EIF3A: variants seen among roughly 807,000 people sequenced by gnomAD.
EIF3A encodes the protein EIF3, p180 subunit.
EIF3A carries 21 observed loss-of-function variants against 186.6 expected under a neutral mutation model. That is an observed-to-expected ratio of 0.11 (90% CI 0.08 to 0.16). The LOEUF (loss-of-function observed/expected upper bound fraction) is 0.16. Ranked by LOEUF, EIF3A falls within the 10% of genes least tolerant of loss-of-function variation. The pLI is 1.00. For missense variants in EIF3A, 1,306 were observed against 1,796.3 expected (o/e 0.73, Z 4.93); for synonymous variants, 563 against 584.3 (o/e 0.96, Z 0.52).
At chr10:119,074,616 T>C (rs1267214692) in intron 1 of EIF3A, among the ~76,000 whole-genome samples, 3 of 151,350 alleles carry the variant, frequency 2.0e-5, no homozygotes. Flanking sequence ...CTCTAAAAAA[T>C]TCTTTTTTTT....
Position 119,049,771 on chromosome 10 carries a change from C to G in EIF3A, c.2658+30G>C. The G allele has an allele frequency of 1.9e-6, 3 of 1,567,250 alleles. 1 individual carries two copies. The South Asian group carries it at 3.5e-5, about 19-fold the overall frequency. On this transcript the variant is annotated intron_variant, in intron 17 of 21. Transcript: ENST00000369144. ...CCAAAAAAAAAAAGTCACATTAAAACAAAATAAAATCAATAAACCCTATAC... is the reference window on the plus strand; with the variant it reads ...CCAAAAAAAAAAAGTCACATTAAAAGAAAATAAAATCAATAAACCCTATAC...
intron 19 of EIF3A, among the ~76,000 whole-genome samples, chr10:119,039,963 C>T (rs953837525): frequency 6.6e-6 from 1 of 152,132 alleles, no homozygotes; most frequent in African/African-American, 2.4e-5. Context: ...TTCATGGCAA[C>T]TGTATAAAAT....
At chr10:119,059,051 G>A (rs1020116017) in intron 11 of EIF3A, among the ~76,000 whole-genome samples, 161 bp downstream of exon 11, 1 of 152,172 alleles carries the variant, frequency 6.6e-6, no homozygotes, top group Non-Finnish European at 1.5e-5. Flanking sequence ...AATGATTTGT[G>A]TATTTGATCA....
In EIF3A at chr10:119,059,376, G is replaced by A. The variant is rs368536646; in HGVS notation, c.1465C>T (p.Arg489Trp). The A allele has an allele frequency of 6.3e-5, 100 of 1,598,208 alleles. No homozygotes were observed. Among genetic ancestry groups the A allele is most frequent in the Non-Finnish European group, 8.0e-5 (94 of 1,173,320 alleles). ...AAATCAGATCCAAAACTCAGGGTCC[G>A]AGAAGTGTGATCAATACGAACCTTT... ...DLQVRIDHTS[R>W]TLSFGSDLNY... Residue 489 changes from arginine (R) to tryptophan (W), a missense_variant, in exon 11 of 22, where the codon CGG becomes TGG. Around this residue, in one of 8 missense-constraint regions of EIF3A, gnomAD observed 267 missense variants for 367.8 expected, o/e 0.73. Transcript: ENST00000369144.
chr10:119,077,849 G>A (rs113780715), intron 1 of EIF3A, among the ~76,000 whole-genome samples: 4,331 of 152,154 alleles, frequency 0.028, 199 homozygotes, highest in African/African-American at 0.098. Context: ...CACCACGCCC[G>A]GCCTCCTCTG....
intron 14 of EIF3A, among the ~76,000 whole-genome samples, chr10:119,052,232 C>T (rs1848365627): frequency 1.3e-5 from 2 of 152,136 alleles, no homozygotes; most frequent in African/African-American, 2.4e-5. Context: ...CAACAATGTT[C>T]GTAGCATTTT....
At position 119,041,976 on chromosome 10, in the gene EIF3A, T is replaced by G. The variant is rs1448160494; in HGVS notation, c.3526+18A>C. 1.2e-6 allele frequency: 2 copies of G among 1,611,322 alleles called. No individual in the cohort carries two copies. The highest frequency in any genetic ancestry group is 4.5e-5 in the East Asian group (2 of 44,850). On this transcript the variant is annotated intron_variant, in intron 19 of 21. Coordinates refer to ENST00000369144, the MANE Select transcript of EIF3A (RefSeq NM_003750.4). The stretch of plus-strand genomic sequence containing the variant: ...TACAGGTGAACACTTAAGCATATTC[T>G]AGGAAATAGAATTTTACCTGGCTTG...
At chr10:119,056,429 G>A (rs1388656856) in intron 14 of EIF3A, among the ~76,000 whole-genome samples, 1 of 152,136 alleles carries the variant, frequency 6.6e-6, no homozygotes, top group African/African-American at 2.4e-5. Context: ...TTGTGGAGAT[G>A]GCTGCACAAT....
chr10:119,057,512 C>T (rs1159432097), intron 12 of EIF3A, among the ~76,000 whole-genome samples: 1 of 152,210 alleles, frequency 6.6e-6, no homozygotes, highest in Non-Finnish European at 1.5e-5. Context: ...TGGTGGCTCA[C>T]ACCTATAACC....
Position 119,042,713 on chromosome 10 carries a change from C to A in EIF3A, c.2807G>T (p.Arg936Leu), listed in dbSNP as rs774940035. 1.2e-6 allele frequency: 2 copies of A among 1,613,660 alleles called. No individual in the cohort carries two copies. Among genetic ancestry groups the A allele is most frequent in the Non-Finnish European group, 1.7e-6 (2 of 1,180,038 alleles). The change falls in exon 19 of 22, where the codon CGG becomes CTG. Residue 936 changes from arginine (R) to leucine (L), a missense_variant. Physicochemically the swap from Arg to Leu is moderately radical, Grantham distance 102. This residue lies in a region of EIF3A where 410 missense variants were observed against 473.5 expected (regional missense o/e 0.87). Transcript: ENST00000369144. The surrounding 1 kb of genome is among the most constrained non-coding windows in gnomAD (Gnocchi z 7.8). ...EDRSHRRDEE[R>L]PRRLGDDEDR... ...TTCATCATCCCCCAGACGCCGGGGCCGCTCTTCATCTCTTCTATGAGACCT... is the reference window on the plus strand; with the variant it reads ...TTCATCATCCCCCAGACGCCGGGGCAGCTCTTCATCTCTTCTATGAGACCT...
At chr10:119,063,799 A>G (rs890075676) in intron 7 of EIF3A, among the ~76,000 whole-genome samples, 3 of 152,262 alleles carry the variant, frequency 2.0e-5, no homozygotes, top group African/African-American at 7.2e-5. Context: ...AAGATACACA[A>G]ATCTGGCCGG....
At chr10:119,050,022 G>A (rs779126978) in intron 16 of EIF3A, 37 bp from the exon 17 acceptor site, 1 of 1,595,908 alleles carries the variant, frequency 6.3e-7, no homozygotes, top group South Asian at 1.1e-5. Context: ...GTGCCTCCCA[G>A]CCATATCTTC....
intron 17 of EIF3A, among the ~76,000 whole-genome samples, chr10:119,046,905 C>T (rs1213246845): frequency 6.6e-5 from 10 of 150,612 alleles, no homozygotes; most frequent in Admixed American, 1.3e-4. Flanking sequence ...TGCAGTGGGC[C>T]GAGATCTCGC....
intron 7 of EIF3A, 70 bp downstream of exon 7, chr10:119,065,329 T>C (rs1589693282): frequency 3.6e-6 from 4 of 1,114,820 alleles, no homozygotes; most frequent in Admixed American, 2.0e-5. Context: ...CAGTATTTAA[T>C]CATGAGTTAT....
Position 119,056,922 on chromosome 10 carries a change from A to T in EIF3A, c.2082+14T>A. ...AACTTGGTATGTTAAAGGTTTACCA[A>T]CCCTTTCATTTACCTTCTTTTCTTG... On this transcript the variant is annotated intron_variant, in intron 13 of 21. Coordinates refer to ENST00000369144, the MANE Select transcript of EIF3A (RefSeq NM_003750.4). 1 of 1,599,174 alleles carries T rather than the reference A, an allele frequency of 6.3e-7. No homozygotes were observed. Among genetic ancestry groups the T allele is most frequent in the Non-Finnish European group, 8.6e-7 (1 of 1,167,212 alleles).
chr10:119,048,945 G>T (rs1848318412), intron 17 of EIF3A, among the ~76,000 whole-genome samples: 1 of 152,134 alleles, frequency 6.6e-6, no homozygotes, highest in Non-Finnish European at 1.5e-5. Context: ...GGAATTATAG[G>T]CATGAGCCAC....
intron 7 of EIF3A, among the ~76,000 whole-genome samples, chr10:119,065,094 A>G (rs950103985): frequency 6.6e-6 from 1 of 152,102 alleles, no homozygotes; most frequent in Non-Finnish European, 1.5e-5. Context: ...GTTTTCCTAG[A>G]GCCTCCATGA....
At chr10:119,078,539 G>A (rs1844211212) in intron 1 of EIF3A, among the ~76,000 whole-genome samples, 1 of 152,076 alleles carries the variant, frequency 6.6e-6, no homozygotes, top group Non-Finnish European at 1.5e-5. Context: ...TTTGGAAGCA[G>A]TGCCCTGGAC....
chr10:119,057,867 G>C (rs993219104), intron 12 of EIF3A, 89 bp downstream of exon 12: 3 of 1,031,666 alleles, frequency 2.9e-6, no homozygotes, highest in Non-Finnish European at 4.3e-6. Flanking sequence ...AAATAACCCA[G>C]TAAGCCAACA....
Sources: allele counts gnomAD v4.1 joint callset (sites outside exome capture counted in the v4.1 genomes callset), GRCh38; gene constraint gnomAD v4.1.1; regional missense constraint gnomAD v4.1.1; non-coding constraint Gnocchi (gnomAD v3.1); transcripts MANE v1.5; gene names NCBI Gene and HGNC (gene_info 2026-07-23, HGNC 2026-07-21).